ACVR1B: variants seen among roughly 807,000 people sequenced by gnomAD.
ACVR1B encodes the protein activin A receptor type 1B.
Under a neutral mutation model 55.6 loss-of-function variants are expected in ACVR1B, and 15 were observed. The ratio of observed to expected loss-of-function variants is 0.27; its 90% CI spans 0.18 to 0.42. The LOEUF (loss-of-function observed/expected upper bound fraction) is 0.42. Ranked by LOEUF, ACVR1B falls within the 10% of genes least tolerant of loss-of-function variation. ACVR1B has a pLI of 1.00. For missense variants in ACVR1B, 359 were observed against 670.1 expected, an observed-to-expected ratio of 0.54 and a Z score of 5.13; for synonymous variants, 247 against 254.6, an observed-to-expected ratio of 0.97 and a Z score of 0.28.
chr12:51,970,024 T>TA (rs1937416501), intron 1 of ACVR1B, among the ~76,000 whole-genome samples: 1 of 152,244 alleles, frequency 6.6e-6, no homozygotes. Flanking sequence ...GTGGCATTGT[T>TA]ATCCCAGGCT....
intron 1 of ACVR1B, chr12:51,953,628 G>A (rs1195054309): frequency 2.6e-6 from 2 of 776,158 alleles, no homozygotes; most frequent in Non-Finnish European, 3.1e-6. Flanking sequence ...GAACCTCTAG[G>A]TTTGTCATTT....
intron 7 of ACVR1B, among the ~76,000 whole-genome samples, chr12:51,989,128 C>T (rs1260106942): frequency 6.6e-6 from 1 of 151,552 alleles, no homozygotes; most frequent in Non-Finnish European, 1.5e-5. Context: ...TAGTGGCGGG[C>T]GCCTGTAATC....
intron 1 of ACVR1B, among the ~76,000 whole-genome samples, chr12:51,963,243 T>C (rs1230245290): frequency 6.6e-6 from 1 of 152,004 alleles, no homozygotes; most frequent in Non-Finnish European, 1.5e-5. Flanking sequence ...ATTTATTTTT[T>C]ATGTATTTAT....
At chr12:51,993,584 T>C (rs1253499578) in intron 8 of ACVR1B, among the ~76,000 whole-genome samples, 1 of 151,574 alleles carries the variant, frequency 6.6e-6, no homozygotes, top group African/African-American at 2.4e-5. Flanking sequence ...CCAACCAATA[T>C]GGTAAAACCC....
chr12:51,983,957 A>T (rs1361796849), intron 4 of ACVR1B, 42 bp from the exon 5 acceptor site: 1 of 1,609,608 alleles, frequency 6.2e-7, no homozygotes, highest in Non-Finnish European at 8.5e-7. Flanking sequence ...TGTTTTGCTG[A>T]TAGTTACACT....
intron 1 of ACVR1B, among the ~76,000 whole-genome samples, chr12:51,968,433 T>G (rs1941683250): frequency 6.6e-6 from 1 of 152,232 alleles, no homozygotes; most frequent in Non-Finnish European, 1.5e-5. Flanking sequence ...ATATGGGACG[T>G]TTTAGACCTA....
intron 4 of ACVR1B, among the ~76,000 whole-genome samples, chr12:51,983,399 A>G (rs1413989808): frequency 6.6e-6 from 1 of 152,176 alleles, no homozygotes; most frequent in Non-Finnish European, 1.5e-5. Context: ...ACTGAAAAGC[A>G]TTTTTTGGCC....
chr12:51,983,530 C>G (rs1942019743), intron 4 of ACVR1B, among the ~76,000 whole-genome samples: 1 of 152,158 alleles, frequency 6.6e-6, no homozygotes, highest in Non-Finnish European at 1.5e-5. Flanking sequence ...GGGCTGTGTT[C>G]AGAGGGTCGC....
At chr12:51,979,060 A>G (rs1321983980) in intron 3 of ACVR1B, among the ~76,000 whole-genome samples, 3 of 145,138 alleles carry the variant, frequency 2.1e-5, no homozygotes, top group African/African-American at 7.8e-5. Context: ...CTACTTGGGA[A>G]GCTGAGGCAG....
chr12:51,962,254 T>C (rs1392711724), intron 1 of ACVR1B, among the ~76,000 whole-genome samples: 1 of 152,138 alleles, frequency 6.6e-6, no homozygotes, highest in Non-Finnish European at 1.5e-5. Context: ...GCTTATCAAG[T>C]GTCTTATTGT....
intron 1 of ACVR1B, among the ~76,000 whole-genome samples, chr12:51,974,513 G>A (rs1941807025): frequency 1.3e-5 from 2 of 152,114 alleles, no homozygotes; most frequent in Admixed American, 1.3e-4. Context: ...AAATTCGTGT[G>A]TGTGTGTGTG....
At chr12:51,962,867 G>C (rs1369935864) in intron 1 of ACVR1B, among the ~76,000 whole-genome samples, 1 of 152,190 alleles carries the variant, frequency 6.6e-6, no homozygotes, top group Non-Finnish European at 1.5e-5. Flanking sequence ...ATTAGGCTGA[G>C]ATCTGTTGAG....
chr12:51,978,249 G>A (rs1462624604), intron 3 of ACVR1B, among the ~76,000 whole-genome samples: 1 of 152,140 alleles, frequency 6.6e-6, no homozygotes, highest in East Asian at 1.9e-4. Flanking sequence ...GCTGCTAGAG[G>A]AGGGTAGATT....
chr12:51,959,224 G>A (rs1941469277), intron 1 of ACVR1B, among the ~76,000 whole-genome samples: 1 of 152,204 alleles, frequency 6.6e-6, no homozygotes, highest in Admixed American at 6.5e-5. Context: ...CCATCTAAAG[G>A]AGGTTATCAT....
At chr12:51,983,075 G>T (rs1436826664) in intron 4 of ACVR1B, among the ~76,000 whole-genome samples, 4 of 152,100 alleles carry the variant, frequency 2.6e-5, no homozygotes, top group Non-Finnish European at 5.9e-5. Flanking sequence ...CCACCTTAAG[G>T]CCAGGGAAGG....
At chr12:51,954,542 T>C (rs1161454962) in intron 1 of ACVR1B, among the ~76,000 whole-genome samples, 2 of 152,238 alleles carry the variant, frequency 1.3e-5, no homozygotes, top group Non-Finnish European at 1.5e-5. Flanking sequence ...AAGTGCAGTC[T>C]TGTAGAGACC....
intron 8 of ACVR1B, among the ~76,000 whole-genome samples, chr12:51,992,705 A>C (rs1942217137): frequency 6.6e-6 from 1 of 152,190 alleles, no homozygotes; most frequent in South Asian, 2.1e-4. Context: ...CATGCCTGTG[A>C]GGAAAGTGGT....
At chr12:51,957,736 T>C (rs901795258) in intron 1 of ACVR1B, among the ~76,000 whole-genome samples, 4 of 152,188 alleles carry the variant, frequency 2.6e-5, no homozygotes, top group South Asian at 4.1e-4. Context: ...TTATTTAATA[T>C]ATATTGTTGG....
chr12:51,957,903 A>G (rs1182407858), intron 1 of ACVR1B, among the ~76,000 whole-genome samples: 3 of 152,204 alleles, frequency 2.0e-5, no homozygotes, highest in African/African-American at 4.8e-5. Flanking sequence ...ACCATTTTAT[A>G]CAGCAAAATC....
Sources: allele counts gnomAD v4.1 joint callset (sites outside exome capture counted in the v4.1 genomes callset), GRCh38; gene constraint gnomAD v4.1.1; transcripts MANE v1.5; gene names NCBI Gene and HGNC (gene_info 2026-07-23, HGNC 2026-07-21).